The following SHISA9 variants were observed in gnomAD, a reference collection of about 807,000 sequenced individuals.
The protein encoded by SHISA9 is shisa family member 9.
In SHISA9, 13 loss-of-function variants were observed where a neutral mutation model predicts 38.0. The ratio of observed to expected loss-of-function variants is 0.34; its 90% CI spans 0.22 to 0.54. The LOEUF (loss-of-function observed/expected upper bound fraction) is 0.54. Among genes scored for constraint, SHISA9 ranks in the 20% least tolerant of loss-of-function variants. The pLI is 0.91. For missense variants in SHISA9, 538 were observed against 575.8 expected (o/e 0.93, Z 0.67); for synonymous variants, 275 against 242.0 (o/e 1.14, Z -1.27).
At chr16:13,299,072 C>T in the SHISA9 span, among the ~76,000 whole-genome samples, 1 of 152,202 alleles carries the variant, frequency 6.6e-6, no homozygotes, top group South Asian at 2.1e-4. Flanking sequence ...AGGATGCTCC[C>T]AAGGGCAGCC....
At chr16:13,490,966 A>G in the SHISA9 span, among the ~76,000 whole-genome samples, 1 of 152,194 alleles carries the variant, frequency 6.6e-6, no homozygotes, top group Non-Finnish European at 1.5e-5. Flanking sequence ...CTAAAATCAA[A>G]GGCTGTATTG....
At chr16:12,915,147 G>A (rs959933956) in intron 1 of SHISA9, among the ~76,000 whole-genome samples, 8 of 152,196 alleles carry the variant, frequency 5.3e-5, no homozygotes, top group Admixed American at 1.3e-4. Context: ...CTTCTCTGTG[G>A]TACAGAGGAG....
intron 2 of SHISA9, among the ~76,000 whole-genome samples, chr16:13,027,941 A>AC (rs1297715489): frequency 1.3e-5 from 2 of 150,880 alleles, no homozygotes; most frequent in African/African-American, 4.9e-5. Context: ...AACAAAAAAA[A>AC]AAAAAAAAAA....
At chr16:13,255,053 C>G in the SHISA9 span, among the ~76,000 whole-genome samples, 1 of 152,176 alleles carries the variant, frequency 6.6e-6, no homozygotes, top group African/African-American at 2.4e-5. Flanking sequence ...TATCTAATAA[C>G]ACTGCAGACT....
intron 2 of SHISA9, among the ~76,000 whole-genome samples, chr16:13,097,996 A>G (rs2073843967): frequency 6.6e-6 from 1 of 152,150 alleles, no homozygotes; most frequent in African/African-American, 2.4e-5. Flanking sequence ...TGTGTGAACC[A>G]CTGTGTCGGG....
chr16:13,545,315 T>C, the SHISA9 span, among the ~76,000 whole-genome samples: 1 of 152,194 alleles, frequency 6.6e-6, no homozygotes, highest in Non-Finnish European at 1.5e-5. Context: ...CAGGATAAGT[T>C]TCCCTTTAAA....
rs1567195024 is a variant in SHISA9, at chr16:13,049,183, TGTGTGTG to T, written c.691+132369_691+132375del. Among the ~76,000 whole-genome samples, 953 of 151,634 alleles carry T rather than the reference TGTGTGTG, an allele frequency of 6.3e-3. 14 individuals carry two copies. The highest frequency in any genetic ancestry group is 0.022 in the African/African-American group (903 of 41,322). On this transcript the variant is annotated intron_variant, in intron 2 of 4. Transcript: ENST00000558583. ...GTGTGTGTGTGTGTGTGTGTGTGTGTGTGTGTGTGTGTGTGTGTGTGTATGTGTATGT... is the reference window on the plus strand; with the variant it reads ...GTGTGTGTGTGTGTGTGTGTGTGTGTTGTGTGTGTGTGTGTATGTGTATGT...
the SHISA9 span, among the ~76,000 whole-genome samples, chr16:13,524,863 T>C: frequency 6.6e-6 from 1 of 152,116 alleles, no homozygotes; most frequent in African/African-American, 2.4e-5. Context: ...CGCAGAGTTG[T>C]CCTGTGCCTT....
chr16:13,425,652 A>T, the SHISA9 span, among the ~76,000 whole-genome samples: 3 of 152,242 alleles, frequency 2.0e-5, no homozygotes, highest in Non-Finnish European at 4.4e-5. Flanking sequence ...AAACCTGCAC[A>T]TGTAACCTCG....
At position 12,974,453 on chromosome 16, in the gene SHISA9, C is replaced by G. The variant is rs570346632; in HGVS notation, c.691+57638C>G. Among the ~76,000 whole-genome samples the G allele has an allele frequency of 1.6e-3, 234 of 148,754 alleles. 2 individuals are homozygous for G. Among genetic ancestry groups the G allele is most frequent in the African/African-American group, 5.6e-3 (225 of 40,436 alleles). ...AATATGACTTTCATGTCCATATAAG[C>G]CATGGCTAGCAAGTGATTTCTGGTG... On this transcript the variant is annotated intron_variant, in intron 2 of 4. Coordinates refer to ENST00000558583, the MANE Select transcript of SHISA9 (RefSeq NM_001145204.3).
chr16:13,384,663 C>T, the SHISA9 span, among the ~76,000 whole-genome samples: 1 of 152,144 alleles, frequency 6.6e-6, no homozygotes, highest in Non-Finnish European at 1.5e-5. Context: ...TTATGTCTGG[C>T]AAGAGCGTTT....
At chr16:13,213,367 G>T in intron 4 of SHISA9, 67 bp downstream of exon 4, 1 of 1,434,206 alleles carries the variant, frequency 7.0e-7, no homozygotes, top group Non-Finnish European at 9.6e-7. Context: ...ATAATGAAGG[G>T]ATAGAGAGTC....
chr16:12,902,708 G>C, intron 1 of SHISA9, 81 bp downstream of exon 1: 1 of 1,332,692 alleles, frequency 7.5e-7, no homozygotes, highest in Non-Finnish European at 1.0e-6. Flanking sequence ...AGGCAATGGC[G>C]CTCCCCACGG....
At chr16:13,296,735 A>G in the SHISA9 span, among the ~76,000 whole-genome samples, 1 of 151,900 alleles carries the variant, frequency 6.6e-6, no homozygotes, top group Non-Finnish European at 1.5e-5. Context: ...TACTAAAAAT[A>G]CAAAAATTAG....
At chr16:13,204,568 C>G (rs888161020) in intron 3 of SHISA9, among the ~76,000 whole-genome samples, 9 of 152,200 alleles carry the variant, frequency 5.9e-5, no homozygotes, top group Non-Finnish European at 7.3e-5. Context: ...AAAGTCCATC[C>G]CATTTCTAAG....
chr16:12,996,694 G>A (rs76056052), intron 2 of SHISA9, among the ~76,000 whole-genome samples: 2,612 of 152,166 alleles, frequency 0.017, 20 homozygotes, highest in African/African-American at 0.028. Flanking sequence ...TGTCTCAAGG[G>A]TCCCATAGAG....
chr16:13,365,112 A>G, the SHISA9 span, among the ~76,000 whole-genome samples: 1 of 152,200 alleles, frequency 6.6e-6, no homozygotes. Context: ...ATTGTGTTCA[A>G]TGCTTTATAT....
chr16:13,411,724 G>A, the SHISA9 span, among the ~76,000 whole-genome samples: 2 of 152,222 alleles, frequency 1.3e-5, no homozygotes, highest in African/African-American at 4.8e-5. Flanking sequence ...GATACACTCT[G>A]TAAGTTACAC....
chr16:13,294,663 G>C, the SHISA9 span, among the ~76,000 whole-genome samples: 1 of 152,260 alleles, frequency 6.6e-6, no homozygotes, highest in Admixed American at 6.5e-5. Flanking sequence ...GTTACCCAAG[G>C]CACTGTTATC....
Sources: allele counts gnomAD v4.1 joint callset (sites outside exome capture counted in the v4.1 genomes callset), GRCh38; gene constraint gnomAD v4.1.1; transcripts MANE v1.5; gene names NCBI Gene and HGNC (gene_info 2026-07-23, HGNC 2026-07-21).